Variants in BANK1 observed in about 807,000 individuals in gnomAD.
The protein encoded by BANK1 is B-cell scaffold protein with ankyrin repeats.
A neutral mutation model predicts 94.5 loss-of-function variants in BANK1; 95 were observed. That is an observed-to-expected ratio of 1.00 (90% CI 0.85 to 1.19). The LOEUF is 1.19. Ranked by LOEUF, BANK1 falls within the 50% of genes most tolerant of loss-of-function variation. The pLI is 0.00. For missense variants in BANK1, 987 were observed against 932.2 expected (o/e 1.06, Z -0.77); for synonymous variants, 334 against 308.4 (o/e 1.08, Z -0.87).
chr4:101,926,544 T>C lies in BANK1; in HGVS notation c.1206+8355T>C, dbSNP rs954034752. Among the ~76,000 whole-genome samples the C allele has an allele frequency of 6.6e-5, 10 of 151,722 alleles. 1 individual carries two copies. Among genetic ancestry groups the C allele is most frequent in the Admixed American group, 5.3e-4 (8 of 15,206 alleles). On this transcript the variant is annotated intron_variant, in intron 7 of 16. Coordinates refer to ENST00000322953, the MANE Select transcript of BANK1 (RefSeq NM_017935.5). ...TTGACTATCTGTTAGGTGCCAAGCA[T>C]TGTTCTAAACACTGGAAATCCAGAA... is the stretch of plus-strand genomic sequence containing the variant.
At chr4:101,869,341 T>G (rs1728194807) in intron 4 of BANK1, among the ~76,000 whole-genome samples, 2 of 151,934 alleles carry the variant, frequency 1.3e-5, no homozygotes, top group African/African-American at 4.8e-5. Flanking sequence ...CTGTAGCTGA[T>G]GAGATGTGCT....
chr4:101,831,702 T>A (rs1284586231), intron 2 of BANK1, among the ~76,000 whole-genome samples: 2 of 152,212 alleles, frequency 1.3e-5, no homozygotes, highest in African/African-American at 4.8e-5. Flanking sequence ...CTCAAACTCC[T>A]AACCTCAAGT....
chr4:101,961,961 A>C (rs1724584092), intron 7 of BANK1, among the ~76,000 whole-genome samples: 1 of 152,132 alleles, frequency 6.6e-6, no homozygotes, highest in African/African-American at 2.4e-5. Flanking sequence ...ACCAGGAATA[A>C]TTTCACTGTC....
intron 1 of BANK1, among the ~76,000 whole-genome samples, chr4:101,811,745 A>G (rs1356022652): frequency 6.6e-6 from 1 of 152,108 alleles, no homozygotes; most frequent in Non-Finnish European, 1.5e-5. Context: ...TGTGATACTT[A>G]AAGATTTATT....
At chr4:101,904,085 C>G (rs1722367943) in intron 6 of BANK1, among the ~76,000 whole-genome samples, 1 of 152,232 alleles carries the variant, frequency 6.6e-6, no homozygotes, top group African/African-American at 2.4e-5. Flanking sequence ...CAACACTTTC[C>G]AGTGATAACG....
At chr4:101,950,808 T>C (rs1247352231) in intron 7 of BANK1, among the ~76,000 whole-genome samples, 5 of 152,114 alleles carry the variant, frequency 3.3e-5, no homozygotes, top group African/African-American at 9.7e-5. Context: ...ATATGTAACA[T>C]TGATTTGATG....
chr4:101,933,655 T>C (rs552237581), intron 7 of BANK1, among the ~76,000 whole-genome samples: 1 of 151,516 alleles, frequency 6.6e-6, no homozygotes, highest in Non-Finnish European at 1.5e-5. Context: ...GCAATATAGA[T>C]ACAGGAACAA....
At chr4:101,809,025 A>AC (rs1382120673) in intron 1 of BANK1, among the ~76,000 whole-genome samples, 8 of 152,196 alleles carry the variant, frequency 5.3e-5, no homozygotes, top group Non-Finnish European at 8.8e-5. Flanking sequence ...AGAAGTCATT[A>AC]TATGAAAAAG....
chr4:102,022,385 A>G (rs917798032), intron 8 of BANK1, among the ~76,000 whole-genome samples: 1 of 152,128 alleles, frequency 6.6e-6, no homozygotes, highest in African/African-American at 2.4e-5. Flanking sequence ...ATATGCAATC[A>G]GTCTTACAAT....
intron 7 of BANK1, among the ~76,000 whole-genome samples, chr4:101,958,534 C>T (rs1282566483): frequency 7.1e-6 from 1 of 140,648 alleles, no homozygotes; most frequent in Non-Finnish European, 1.5e-5. Flanking sequence ...CTTGGCCCAT[C>T]TGCTGCTATT....
At chr4:102,017,637 A>G (rs1726754132) in intron 7 of BANK1, among the ~76,000 whole-genome samples, 1 of 152,228 alleles carries the variant, frequency 6.6e-6, no homozygotes, top group Non-Finnish European at 1.5e-5. Flanking sequence ...TTGAGAGACA[A>G]GGTCACAATA....
chr4:101,996,293 G>A (rs1035791088), intron 7 of BANK1, among the ~76,000 whole-genome samples: 1 of 152,132 alleles, frequency 6.6e-6, no homozygotes, highest in East Asian at 1.9e-4. Flanking sequence ...CCATATATCT[G>A]TTTGGTACAA....
intron 5 of BANK1, among the ~76,000 whole-genome samples, chr4:101,874,701 G>C (rs1728421979): frequency 6.6e-6 from 1 of 152,132 alleles, no homozygotes; most frequent in African/African-American, 2.4e-5. Flanking sequence ...TCTTTTCCAT[G>C]TCTTCTTAAC....
intron 7 of BANK1, among the ~76,000 whole-genome samples, chr4:101,961,937 A>G (rs936830411): frequency 1.3e-5 from 2 of 152,178 alleles, no homozygotes; most frequent in Non-Finnish European, 2.9e-5. Context: ...GTGCTTGCTT[A>G]TATAAGTTCA....
intron 4 of BANK1, among the ~76,000 whole-genome samples, chr4:101,863,874 A>G (rs1163260944): frequency 1.3e-5 from 2 of 152,178 alleles, no homozygotes; most frequent in Admixed American, 6.6e-5. Context: ...AGAAATATCA[A>G]TATTGCAAAT....
intron 12 of BANK1, chr4:102,061,516 A>T (rs139110337): frequency 2.6e-5 from 4 of 152,240 alleles, no homozygotes; most frequent in Non-Finnish European, 5.9e-5. Context: ...AATCATGTCA[A>T]TGTCATCACC....
chr4:102,052,630 C>G (rs1728090790), intron 11 of BANK1, among the ~76,000 whole-genome samples: 1 of 152,082 alleles, frequency 6.6e-6, no homozygotes, highest in Non-Finnish European at 1.5e-5. Flanking sequence ...ACACTAAGCA[C>G]TGAGCATTTT....
chr4:101,851,813 A>G (rs1578356796), intron 2 of BANK1, among the ~76,000 whole-genome samples: 7 of 151,072 alleles, frequency 4.6e-5, no homozygotes, highest in Admixed American at 4.6e-4. Flanking sequence ...TTTGTTTTAT[A>G]AAATAGGCTT....
chr4:101,794,846 C>A (rs1725101353), intron 1 of BANK1, among the ~76,000 whole-genome samples: 1 of 151,894 alleles, frequency 6.6e-6, no homozygotes, highest in African/African-American at 2.4e-5. Context: ...TGCTTTTGAT[C>A]TTTTACAAGA....
Sources: allele counts gnomAD v4.1 joint callset (sites outside exome capture counted in the v4.1 genomes callset), GRCh38; gene constraint gnomAD v4.1.1; transcripts MANE v1.5; gene names NCBI Gene and HGNC (gene_info 2026-07-23, HGNC 2026-07-21).